Variants in FHL2 observed in about 807,000 individuals in gnomAD.
FHL2 encodes the protein four and a half LIM domains 2, also known as four and a half LIM domains protein 2.
Under a neutral mutation model 32.7 loss-of-function variants are expected in FHL2, and 20 were observed. That is an observed-to-expected ratio of 0.61 (90% CI 0.43 to 0.89). FHL2 has a LOEUF of 0.89. Among genes scored for constraint, FHL2 ranks in the 40% least tolerant of loss-of-function variants. The pLI is 0.00. For synonymous variants in FHL2, 123 were observed against 128.1 expected (o/e 0.96, Z 0.27); for missense variants, 311 against 358.6 (o/e 0.87, Z 1.07).
chr2:105,429,783 C>T (rs33980560), intron 1 of FHL2, among the ~76,000 whole-genome samples: 32,704 of 152,140 alleles, frequency 0.21, 3,540 homozygotes, highest in Admixed American at 0.26. Flanking sequence ...GTTCCCTCAT[C>T]TGCAGCCTAG....
intron 5 of FHL2, among the ~76,000 whole-genome samples, chr2:105,363,920 G>T (rs533676792): frequency 1.3e-5 from 2 of 152,326 alleles, no homozygotes; most frequent in Non-Finnish European, 2.9e-5. Flanking sequence ...CATCCAGGAA[G>T]TGAGGGTGAT....
At chr2:105,420,212 A>T (rs1166389408) in intron 1 of FHL2, among the ~76,000 whole-genome samples, 1 of 152,146 alleles carries the variant, frequency 6.6e-6, no homozygotes. Context: ...GTGAGGGAGC[A>T]TTTGCTCCAT....
chr2:105,421,700 T>G (rs750877661), intron 1 of FHL2, among the ~76,000 whole-genome samples: 1 of 152,186 alleles, frequency 6.6e-6, no homozygotes, highest in African/African-American at 2.4e-5. Flanking sequence ...AGAAAGTGTC[T>G]AGCTCAGTTA....
At chr2:105,415,882 A>G (rs1343023915) in intron 1 of FHL2, among the ~76,000 whole-genome samples, 2 of 152,240 alleles carry the variant, frequency 1.3e-5, no homozygotes, top group African/African-American at 4.8e-5. Flanking sequence ...ACAATTATCT[A>G]GATGATTTCA....
At chr2:105,378,499 C>T (rs1334404857) in intron 3 of FHL2, 2 of 207,348 alleles carry the variant, frequency 9.6e-6, no homozygotes, top group African/African-American at 4.7e-5. Context: ...GTAGAGTGGA[C>T]ACCTGAAAGT....
chr2:105,367,478 G>T, intron 5 of FHL2, 92 bp downstream of exon 5: 1 of 1,303,908 alleles, frequency 7.7e-7, no homozygotes, highest in Non-Finnish European at 1.1e-6. Flanking sequence ...AGTATCACAG[G>T]TATCCTTGGT....
chr2:105,430,653 A>G (rs1460893563), intron 1 of FHL2, among the ~76,000 whole-genome samples: 1 of 152,180 alleles, frequency 6.6e-6, no homozygotes, highest in Non-Finnish European at 1.5e-5. Flanking sequence ...GGGCAACAAG[A>G]GCGAAACTCC....
At chr2:105,402,235 ATGTG>A (rs897787727), upstream of FHL2, among the ~76,000 whole-genome samples, 1 of 141,168 alleles carries the variant, frequency 7.1e-6, no homozygotes, top group Non-Finnish European at 1.5e-5. Context: ...GTATATATAT[ATGTG>A]TGTGTGTGTA....
intron 4 of FHL2, among the ~76,000 whole-genome samples, chr2:105,368,208 C>G (rs1680775416): frequency 6.6e-6 from 1 of 152,212 alleles, no homozygotes; most frequent in Non-Finnish European, 1.5e-5. Flanking sequence ...AACCTGGAAC[C>G]TCGAACCTGA....
chr2:105,420,011 CTGCT>C (rs1378240821), intron 1 of FHL2, among the ~76,000 whole-genome samples: 1 of 152,204 alleles, frequency 6.6e-6, no homozygotes, highest in Non-Finnish European at 1.5e-5. Context: ...GGAGAAGTGA[CTGCT>C]TGGATTCAGT....
chr2:105,409,508 T>C (rs929080767), intron 1 of FHL2, among the ~76,000 whole-genome samples: 1 of 152,210 alleles, frequency 6.6e-6, no homozygotes, highest in African/African-American at 2.4e-5. Context: ...AAGTTAATAG[T>C]AAATTTTACA....
intron 1 of FHL2, among the ~76,000 whole-genome samples, chr2:105,409,999 G>A (rs1318334733): frequency 6.6e-6 from 1 of 152,222 alleles, no homozygotes; most frequent in Non-Finnish European, 1.5e-5. Flanking sequence ...CACTTACCAG[G>A]CTGAGCTGGG....
rs757511491 is a variant in FHL2 at position 105,399,015 on chromosome 2, G to A, written c.-249C>T. On this transcript the variant is annotated 5_prime_UTR_variant, in exon 1 of 7. Transcript: ENST00000530340. ...ACTCCCGGACGGGGCTGGAGGGCGC[G>A]GGCGGCTGGTGGCTGCGGCTCCGCT... 1.3e-6 allele frequency: 2 copies of A among 1,496,920 alleles called. No homozygotes were observed. Among genetic ancestry groups the A allele is most frequent in the African/African-American group, 2.9e-5 (2 of 68,472 alleles). 92.7% of individuals were successfully genotyped at this position (1,496,920 alleles called of 1,614,324 possible). A position where few individuals can be genotyped will look rare whatever the true frequency, so the allele number is the denominator to read the frequency against.
At position 105,417,854 on chromosome 2, in the gene FHL2, T is replaced by G. The variant is rs997072212; in HGVS notation, c.-25+20545A>C. The stretch of plus-strand genomic sequence containing the variant: ...TACTGCTTGGTGATGAAGAATATCA[T>G]GATTACTAGTTTGGTTTGGAGCCAC... On this transcript the variant is annotated intron_variant, in intron 1 of 5. Coordinates refer to the FHL2 transcript ENST00000393352. 5.3e-5 allele frequency among the ~76,000 whole-genome samples: 8 copies of G among 152,156 alleles called. No individual in the cohort carries two copies. In the East Asian group the frequency reaches 1.5e-3, roughly 29 times the overall value.
chr2:105,431,756 A>G (rs1684439904), intron 1 of FHL2, among the ~76,000 whole-genome samples: 1 of 152,236 alleles, frequency 6.6e-6, no homozygotes, highest in African/African-American at 2.4e-5. Flanking sequence ...CAAATTTTAA[A>G]CAGAGACCTG....
chr2:105,396,334 C>T (rs949130896), intron 2 of FHL2, among the ~76,000 whole-genome samples: 14 of 152,130 alleles, frequency 9.2e-5, no homozygotes, highest in East Asian at 3.9e-4. Flanking sequence ...AGTCCAAAGG[C>T]GGAAAGGACC....
At position 105,429,558 on chromosome 2, in the gene FHL2, G is replaced by T. The variant is rs1028964471; in HGVS notation, c.-25+8841C>A. ...TAGGTAGCTTCCAGAAGCTGGAAAAGGTGGGGAAACATTCCTTCTCTAGAG... is the reference window on the plus strand; with the variant it reads ...TAGGTAGCTTCCAGAAGCTGGAAAATGTGGGGAAACATTCCTTCTCTAGAG... On this transcript the variant is annotated intron_variant, in intron 1 of 5. Coordinates refer to the FHL2 transcript ENST00000393352. Among the ~76,000 whole-genome samples the T allele has an allele frequency of 3.9e-5, 6 of 152,178 alleles. No individual in the cohort carries two copies. In the South Asian group the frequency reaches 6.2e-4, roughly 16 times the overall value.
At chr2:105,385,007 A>G (rs1019900641) in intron 3 of FHL2, among the ~76,000 whole-genome samples, 1 of 152,250 alleles carries the variant, frequency 6.6e-6, no homozygotes, top group African/African-American at 2.4e-5. Flanking sequence ...AGCAGGCAAG[A>G]CAGGATACAG....
chr2:105,400,233 A>G (rs4851766), upstream of FHL2, among the ~76,000 whole-genome samples: 107,984 of 152,034 alleles, frequency 0.71, 38,522 homozygotes, highest in African/African-American at 0.77. Flanking sequence ...TTGAACTGGG[A>G]TGTGGTAGAT....
Sources: allele counts gnomAD v4.1 joint callset (sites outside exome capture counted in the v4.1 genomes callset), GRCh38; gene constraint gnomAD v4.1.1; transcripts MANE v1.5; gene names NCBI Gene and HGNC (gene_info 2026-07-23, HGNC 2026-07-21).